Variants in PYGL observed in about 807,000 individuals in gnomAD.
PYGL encodes glycogen phosphorylase, liver form.
In PYGL, 90 loss-of-function variants were observed where a neutral mutation model predicts 100.1. That is an observed-to-expected ratio of 0.90 (90% CI 0.76 to 1.07). The LOEUF is 1.07. Ranked by LOEUF, PYGL falls within the 50% of genes least tolerant of loss-of-function variation. The pLI, the probability that PYGL is intolerant of heterozygous loss-of-function variation, is 0.00. For synonymous variants in PYGL, 373 were observed against 393.0 expected (o/e 0.95, Z 0.60); for missense variants, 1,016 against 1,057.6 (o/e 0.96, Z 0.55).
Position 50,944,368 on chromosome 14 carries a change from C to T in PYGL, c.36G>A (p.Arg12=), listed in dbSNP as rs778959716. The change falls in exon 1 of 20, where the codon CGG becomes CGA. Residue 12 remains arginine (R), a synonymous_variant. Transcript: ENST00000216392. The part of the protein sequence containing the change: ...AKPLTDQEKR[R]QISIRGIVGV... ...CCACGATGCCGCGGATGCTGATCTG[C>T]CGCCGCTTCTCCTGGTCCGTCAGGG... 4 of 1,613,390 alleles carry T rather than the reference C, an allele frequency of 2.5e-6. No homozygotes were observed. Among genetic ancestry groups the T allele is most frequent in the Admixed American group, 3.3e-5 (2 of 60,000 alleles).
intron 17 of PYGL, 83 bp from the exon 18 acceptor site, chr14:50,909,038 A>T: frequency 6.9e-7 from 1 of 1,441,528 alleles, no homozygotes; most frequent in Non-Finnish European, 9.7e-7. Context: ...CACTGCATTC[A>T]CTGTGAAAAA....
intron 1 of PYGL, 29 bp downstream of exon 1, chr14:50,944,132 C>T: frequency 6.3e-7 from 1 of 1,581,998 alleles, no homozygotes. Context: ...CCGGGCTGGA[C>T]CCCGGCCCGC....
At chr14:50,911,140 G>T (rs958303491) in intron 16 of PYGL, among the ~76,000 whole-genome samples, 3 of 152,208 alleles carry the variant, frequency 2.0e-5, no homozygotes, top group Admixed American at 2.0e-4. Context: ...GGTGCTCTGT[G>T]AGCTTGTGAC....
chr14:50,937,940 G>A (rs576349626), intron 1 of PYGL, 103 bp from the exon 2 acceptor site: 26 of 1,025,950 alleles, frequency 2.5e-5, no homozygotes, highest in South Asian at 2.5e-4. Context: ...AAACAAACAG[G>A]CAGGACTATG....
intron 2 of PYGL, among the ~76,000 whole-genome samples, chr14:50,936,136 G>T (rs1053354382): frequency 1.3e-5 from 2 of 152,186 alleles, no homozygotes; most frequent in Non-Finnish European, 2.9e-5. Context: ...GTTCCATCCT[G>T]ACTAGATGCT....
chr14:50,905,659 G>T, intron 19 of PYGL, 103 bp from the exon 20 acceptor site: 1 of 1,139,518 alleles, frequency 8.8e-7, no homozygotes, highest in Non-Finnish European at 1.3e-6. Context: ...GAGGGAAAAT[G>T]ACAGGAATAA....
chr14:50,922,135 C>T (rs567605636), intron 5 of PYGL, among the ~76,000 whole-genome samples: 1 of 152,180 alleles, frequency 6.6e-6, no homozygotes, highest in Non-Finnish European at 1.5e-5. Context: ...GAGTCAAGCT[C>T]GAAGGAAGGA....
intron 17 of PYGL, 48 bp downstream of exon 17, chr14:50,909,847 T>C (rs774384104): frequency 5.0e-6 from 8 of 1,600,676 alleles, no homozygotes; most frequent in Non-Finnish European, 6.8e-6. Context: ...ACATACCTTC[T>C]AGGGGGGAGG....
intron 19 of PYGL, 88 bp downstream of exon 19, chr14:50,908,183 A>C: frequency 9.7e-7 from 1 of 1,031,956 alleles, no homozygotes; most frequent in East Asian, 2.4e-5. Flanking sequence ...TTACATGGGG[A>C]TCTGATATTT....
chr14:50,931,868 A>C, intron 3 of PYGL, 92 bp from the exon 4 acceptor site: 1 of 975,348 alleles, frequency 1.0e-6, no homozygotes, highest in Admixed American at 1.7e-5. Context: ...GCCACAAAAC[A>C]TTGTTATATG....
At position 50,910,128 on chromosome 14, in the gene PYGL, G is replaced by A. The variant is rs758902378; in HGVS notation, c.1970-26C>T. 7 of 1,595,180 alleles carry A rather than the reference G, an allele frequency of 4.4e-6. No individual in the cohort carries two copies. The East Asian group carries it at 6.7e-5, about 15-fold the overall frequency. On this transcript the variant is annotated intron_variant, in intron 16 of 19. Transcript: ENST00000216392. ...CTGCAAGAAAGGTAAGTTAAAATTA[G>A]TAATTTTGTCTGTCTAGATCTGCTT...
Position 50,940,530 on chromosome 14 carries a change from C to T in PYGL, c.244-2693G>A, listed in dbSNP as rs117563240. On this transcript the variant is annotated intron_variant, in intron 1 of 19. Transcript: ENST00000216392. The stretch of plus-strand genomic sequence containing the variant: ...ATGACAGACTTTATAAGGACAGGAA[C>T]GTAAGGTGATTCCCTGTTTTCTCAC... Among the ~76,000 whole-genome samples the T allele has an allele frequency of 1.1e-3, 165 of 152,266 alleles. 5 individuals are homozygous for T. The East Asian group carries it at 0.026, about 24-fold the overall frequency.
Position 50,915,355 on chromosome 14 carries a change from C to G in PYGL, c.1384G>C (p.Asp462His). The change falls in exon 11 of 20, where the codon GAC becomes CAC. Residue 462 changes from aspartate (D) to histidine (H), a missense_variant. Transcript: ENST00000216392. ...GCTCACACTTTAGTCTTCACGATGT[C>G]TGAGTGGATTTTAGCCACGCCATTC... is the stretch of plus-strand genomic sequence containing the variant. ...AVNGVAKIHS[D>H]IVKTKVFKDF... 1 of 1,614,196 alleles carries G rather than the reference C, an allele frequency of 6.2e-7. No individual in the cohort carries two copies. Among genetic ancestry groups the G allele is most frequent in the Non-Finnish European group, 8.5e-7 (1 of 1,180,038 alleles).
chr14:50,915,628 G>C, intron 10 of PYGL, 129 bp from the exon 11 acceptor site: 2 of 1,427,190 alleles, frequency 1.4e-6, no homozygotes, highest in Non-Finnish European at 1.9e-6. Flanking sequence ...GGGAGGGGTT[G>C]AGTTAGCTCT....
chr14:50,925,148 AC>A (rs1423680584), intron 4 of PYGL, among the ~76,000 whole-genome samples: 1 of 152,142 alleles, frequency 6.6e-6, no homozygotes, highest in African/African-American at 2.4e-5. Context: ...TAGACTACAA[AC>A]CTGTACAGCA....
chr14:50,934,810 G>A (rs940421923), intron 3 of PYGL, among the ~76,000 whole-genome samples: 1 of 152,062 alleles, frequency 6.6e-6, no homozygotes, highest in Non-Finnish European at 1.5e-5. Flanking sequence ...GATCAAAGGG[G>A]GTGCTAGCAT....
chr14:50,932,948 T>A (rs996470780), intron 3 of PYGL, among the ~76,000 whole-genome samples: 1 of 152,190 alleles, frequency 6.6e-6, no homozygotes, highest in African/African-American at 2.4e-5. Context: ...ACATCGCCAA[T>A]CCCTGTGCTC....
At chr14:50,909,116 A>C (rs2050364998) in intron 17 of PYGL, among the ~76,000 whole-genome samples, 161 bp from the exon 18 acceptor site, 1 of 152,236 alleles carries the variant, frequency 6.6e-6, no homozygotes, top group African/African-American at 2.4e-5. Context: ...TATAACTTTT[A>C]ACTAGATCTG....
intron 4 of PYGL, among the ~76,000 whole-genome samples, chr14:50,930,629 C>A (rs1170361285): frequency 6.6e-6 from 1 of 152,100 alleles, no homozygotes; most frequent in African/African-American, 2.4e-5. Context: ...AATCCAAATA[C>A]TGAGGGAGGG....
Sources: allele counts gnomAD v4.1 joint callset (sites outside exome capture counted in the v4.1 genomes callset), GRCh38; gene constraint gnomAD v4.1.1; transcripts MANE v1.5; gene names NCBI Gene and HGNC (gene_info 2026-07-23, HGNC 2026-07-21).